The following CPHXL variants were observed in gnomAD, a reference collection of about 807,000 sequenced individuals.
The protein encoded by CPHXL is cytoplasmic polyadenylated homeobox like.
intron 1 of CPHXL, among the ~76,000 whole-genome samples, chr16:75,723,140 T>G (rs1015352775): frequency 6.6e-6 from 1 of 152,270 alleles, no homozygotes; most frequent in South Asian, 2.1e-4. Context: ...CCACAGCCAA[T>G]ATCATACTGA....
At chr16:75,715,414 T>C (rs1376072306) in intron 2 of CPHXL, among the ~76,000 whole-genome samples, 192 bp from the exon 3 acceptor site, 1 of 152,214 alleles carries the variant, frequency 6.6e-6, no homozygotes, top group Non-Finnish European at 1.5e-5. Flanking sequence ...ACACAGGTCA[T>C]GCATTGCGCA....
At chr16:75,725,238 C>A (rs1042519818) in intron 1 of CPHXL, among the ~76,000 whole-genome samples, 2 of 152,104 alleles carry the variant, frequency 1.3e-5, no homozygotes, top group Non-Finnish European at 2.9e-5. Flanking sequence ...AACTAACCTG[C>A]ACATTGTGCA....
At position 75,726,433 on chromosome 16, in the gene CPHXL, C is replaced by A. The variant is rs1170037400; in HGVS notation, c.10G>T (p.Asp4Tyr). 1 of 398,594 alleles carries A rather than the reference C, an allele frequency of 2.5e-6. No homozygotes were observed. The highest frequency in any genetic ancestry group is 4.4e-5 in the Admixed American group (1 of 22,730). The allele number at this position is 398,594 out of a possible 1,614,324, so 24.7% of individuals were successfully genotyped here. ...GGGAACTTACCACCTGAAGTGCCGT[C>A]CAAATTCATCTTGGGGTAGAAGACC... MNL[D>Y]GTSGGFPAEE... is the part of the protein sequence containing the mutation. The change falls in exon 1 of 3, where the codon GAC becomes TAC. Residue 4 changes from aspartate to tyrosine, a missense_variant. Transcript: ENST00000640559.
In CPHXL at chr16:75,714,577, C is replaced by A. The variant is rs1056123820; in HGVS notation, c.865G>T (p.Val289Leu). 2 of 398,508 alleles carry A rather than the reference C, an allele frequency of 5.0e-6. No individual in the cohort carries two copies. Among genetic ancestry groups the A allele is most frequent in the African/African-American group, 2.1e-5 (1 of 48,620 alleles). 24.7% of individuals were successfully genotyped at this position (398,508 alleles called of 1,614,324 possible). ...LLDYAQGAYG[V>L]KKDHCLCSFC... ...GAGCAAAGACAATGGTCTTTCTTCA[C>A]CCCATATGCACCTTGAGCGTAATCC... is the stretch of plus-strand genomic sequence containing the variant. The change falls in exon 3 of 3, where the codon GTG (valine) becomes TTG (leucine). Residue 289 changes from valine (V) to leucine (L), a missense_variant. Transcript: ENST00000640559.
At chr16:75,720,049 G>A (rs1227997123) in intron 1 of CPHXL, among the ~76,000 whole-genome samples, 1 of 152,210 alleles carries the variant, frequency 6.6e-6, no homozygotes. Flanking sequence ...GGTCCTGACT[G>A]TTAGAAGGAA....
chr16:75,716,199 A>T (rs75379198), intron 2 of CPHXL, among the ~76,000 whole-genome samples: 7,844 of 152,204 alleles, frequency 0.052, 267 homozygotes, highest in African/African-American at 0.084. Context: ...GTGTTTTTCC[A>T]CACACCAGGC....
At chr16:75,717,855 C>T (rs575756447) in intron 2 of CPHXL, among the ~76,000 whole-genome samples, 1 of 152,294 alleles carries the variant, frequency 6.6e-6, no homozygotes, top group South Asian at 2.1e-4. Context: ...TGCACTTTCC[C>T]ATTTCTTCGA....
At chr16:75,724,109 A>C (rs1020604568) in intron 1 of CPHXL, among the ~76,000 whole-genome samples, 5 of 152,244 alleles carry the variant, frequency 3.3e-5, no homozygotes, top group African/African-American at 1.2e-4. Context: ...CTTACACTTT[A>C]TACAAAAATT....
chr16:75,718,721 A>G (rs1959430008), intron 1 of CPHXL, among the ~76,000 whole-genome samples: 2 of 152,326 alleles, frequency 1.3e-5, no homozygotes, highest in South Asian at 4.1e-4. Flanking sequence ...TCATTCACTT[A>G]TGCATTGCCT....
At chr16:75,715,280 A>G (rs1959374520) in intron 2 of CPHXL, 58 bp from the exon 3 acceptor site, 1 of 398,314 alleles carries the variant, frequency 2.5e-6, no homozygotes, top group African/African-American at 2.1e-5. Flanking sequence ...ATATTCTTAT[A>G]TGCATTCCTT....
rs1001691683 is a variant in CPHXL, at chr16:75,714,510, C to G, written c.932G>C (p.Trp311Ser). 5.0e-5 allele frequency: 20 copies of G among 398,488 alleles called. No individual in the cohort carries two copies. Among genetic ancestry groups the G allele is most frequent in the African/African-American group, 4.1e-4 (20 of 48,602 alleles). The allele number at this position is 398,488 out of a possible 1,614,324, so 24.7% of individuals were successfully genotyped here. A position where few individuals can be genotyped will look rare whatever the true frequency, so the allele number is the denominator to read the frequency against. Residue 311 changes from tryptophan (W) to serine (S), a missense_variant, in exon 3 of 3, where the codon TGG becomes TCG. Transcript: ENST00000640559. Reference sequence around the variant, plus strand: ...TTGGTGCTGCTGCAGGTGATACTGCCAATCATTCTGCTGCTGTTGTCCCAG... The same window carrying G: ...TTGGTGCTGCTGCAGGTGATACTGCGAATCATTCTGCTGCTGTTGTCCCAG... ...SLLGQQQQND[W>S]QYHLQQHQQP...
At chr16:75,720,268 G>C (rs192467708) in intron 1 of CPHXL, among the ~76,000 whole-genome samples, 1 of 152,196 alleles carries the variant, frequency 6.6e-6, no homozygotes. Flanking sequence ...ACTTTGACGA[G>C]TTGAGAGAAG....
At chr16:75,718,868 T>G (rs1959432444) in intron 1 of CPHXL, among the ~76,000 whole-genome samples, 1 of 152,198 alleles carries the variant, frequency 6.6e-6, no homozygotes, top group African/African-American at 2.4e-5. Context: ...GAAGAATATT[T>G]TATTATTTCA....
intron 1 of CPHXL, among the ~76,000 whole-genome samples, chr16:75,725,051 C>G (rs1959534752): frequency 6.6e-6 from 1 of 151,738 alleles, no homozygotes; most frequent in Non-Finnish European, 1.5e-5. Context: ...CGCTTGTTCT[C>G]ACTCATAGGT....
chr16:75,721,748 C>G (rs542956713), intron 1 of CPHXL, among the ~76,000 whole-genome samples: 1 of 152,114 alleles, frequency 6.6e-6, no homozygotes, highest in African/African-American at 2.4e-5. Flanking sequence ...CTGCACCAAG[C>G]GGACCTAATA....
chr16:75,723,021 G>T (rs1329831955), intron 1 of CPHXL, among the ~76,000 whole-genome samples: 4 of 152,094 alleles, frequency 2.6e-5, no homozygotes, highest in African/African-American at 7.2e-5. Context: ...CTCAATAGAC[G>T]CAGAAAAGGC....
At chr16:75,722,686 A>G (rs1272464921) in intron 1 of CPHXL, among the ~76,000 whole-genome samples, 2 of 152,208 alleles carry the variant, frequency 1.3e-5, no homozygotes, top group Non-Finnish European at 2.9e-5. Flanking sequence ...AGGAAGAGCT[A>G]GTAACATTCT....
rs1242451786 is a variant in CPHXL at position 75,715,049 on chromosome 16, C to CT, written c.392_393insA (p.Ala132GlyfsTer24). Reference sequence around the variant, plus strand: ...AGCAACCAGCTCTTCTCATCAGAGCCCTCTGGGCACCAGAGAGGCTCTGCT... The same window carrying CT: ...AGCAACCAGCTCTTCTCATCAGAGCCTCTCTGGGCACCAGAGAGGCTCTGCT... On this transcript the variant is annotated frameshift_variant, in exon 3 of 3. Transcript: ENST00000640559. LOFTEE classifies it low-confidence loss of function (END_TRUNC). The CT allele has an allele frequency of 9.5e-5, 38 of 398,564 alleles. No homozygotes were observed. The highest frequency in any genetic ancestry group is 8.4e-4 in the Admixed American group (19 of 22,722). 24.7% of individuals were successfully genotyped at this position (398,564 alleles called of 1,614,324 possible).
In CPHXL at chr16:75,719,990, C is replaced by G. The variant is rs148900818; in HGVS notation, c.26-1532G>C. Among the ~76,000 whole-genome samples, 14 of 152,312 alleles carry G rather than the reference C, an allele frequency of 9.2e-5. No homozygotes were observed. In the East Asian group the frequency reaches 1.5e-3, roughly 17 times the overall value. On this transcript the variant is annotated intron_variant, in intron 1 of 2. Transcript: ENST00000640559. ...CCTCTGCTGCTGATACCCAGTCAAA[C>G]AGGGTCTGGAGTGGACCTCCGGCAA...
Sources: allele counts gnomAD v4.1 joint callset (sites outside exome capture counted in the v4.1 genomes callset), GRCh38; gene constraint gnomAD v4.1.1; transcripts MANE v1.5; gene names NCBI Gene and HGNC (gene_info 2026-07-23, HGNC 2026-07-21).